The following DOCK7 variants were observed in gnomAD, a reference collection of about 807,000 sequenced individuals.
The protein encoded by DOCK7 is dedicator of cytokinesis 7, also known as dedicator of cytokinesis protein 7.
A neutral mutation model predicts 271.0 loss-of-function variants in DOCK7; 138 were observed. The ratio of observed to expected loss-of-function variants is 0.51; its 90% CI spans 0.44 to 0.59. The LOEUF (loss-of-function observed/expected upper bound fraction) is 0.59. DOCK7 is among the 20% of genes least tolerant of loss of function. The pLI is 0.00. For missense variants in DOCK7, 2,066 were observed against 2,592.4 expected (o/e 0.80, Z 4.41); for synonymous variants, 823 against 876.1 (o/e 0.94, Z 1.07).
intron 27 of DOCK7, 128 bp from the exon 28 acceptor site, chr1:62,538,189 T>A: frequency 1.1e-6 from 1 of 891,400 alleles, no homozygotes; most frequent in Non-Finnish European, 1.6e-6. Context: ...GTGGCTTAAG[T>A]AGCAGTATCA....
At chr1:62,507,187 T>C (rs1646966626) in intron 35 of DOCK7, among the ~76,000 whole-genome samples, 1 of 151,994 alleles carries the variant, frequency 6.6e-6, no homozygotes, top group African/African-American at 2.4e-5. Flanking sequence ...AGTTATGAAG[T>C]AGGTGGCCAT....
At position 62,475,849 on chromosome 1, in the gene DOCK7, C is replaced by T. The variant is rs779959516; in HGVS notation, c.5819G>A (p.Arg1940Gln). The change falls in exon 46 of 50, where the codon CGA becomes CAA. Residue 1940 changes from arginine to glutamine, a missense_variant. Transcript: ENST00000635253. The part of the protein sequence containing the change: ...TYFDKNYNLR[R>Q]FMYCTPFTLD... ...AGTAAAGGGTGTACAGTACATGAAT[C>T]GACGAAGATTGTAATTTTTGTCGAA... The T allele has an allele frequency of 5.6e-6, 9 of 1,613,894 alleles. No individual in the cohort carries two copies. The highest frequency in any genetic ancestry group is 2.2e-5 in the East Asian group (1 of 44,874).
At position 62,493,425 on chromosome 1, in the gene DOCK7, G is replaced by C. The variant is rs974398960; in HGVS notation, c.5218-578C>G. 3.9e-5 allele frequency among the ~76,000 whole-genome samples: 6 copies of C among 152,240 alleles called. No individual in the cohort carries two copies. The East Asian group carries it at 1.2e-3, about 29-fold the overall frequency. The stretch of plus-strand genomic sequence containing the variant: ...TAAGGCCTTTTCTTTGTGTGTATGG[G>C]TTTCCAGATCAGATTTCCACGGAAT... On this transcript the variant is annotated intron_variant, in intron 40 of 49. Coordinates refer to ENST00000635253, the MANE Select transcript of DOCK7 (RefSeq NM_001367561.1).
Position 62,559,195 on chromosome 1 carries a change from G to A in DOCK7, c.2225C>T (p.Ala742Val). The part of the protein sequence containing the change: ...TQDPYLDKFF[A>V]LVNALDEHLF... ...GTGTTCATCCAGAGCATTGACCAGA[G>A]CAAAAAATTTGTCAAGATAAGGATC... Residue 742 changes from alanine to valine, a missense_variant, in exon 20 of 50, where the codon GCT becomes GTT. Physicochemically the swap from Ala to Val is moderately conservative, Grantham distance 64 (BLOSUM62 0). This residue lies in a region of DOCK7 where 1,414 missense variants were observed against 1,670.4 expected (regional missense o/e 0.85). Transcript: ENST00000635253. The A allele has an allele frequency of 1.2e-6, 2 of 1,611,270 alleles. No homozygotes were observed. Among genetic ancestry groups the A allele is most frequent in the Non-Finnish European group, 8.5e-7 (1 of 1,178,368 alleles).
At chr1:62,459,713 TCACAAATCTATCTA>T (rs1267884876) in intron 48 of DOCK7, among the ~76,000 whole-genome samples, 1 of 152,050 alleles carries the variant, frequency 6.6e-6, no homozygotes, top group East Asian at 1.9e-4. Flanking sequence ...GAAACAACTG[TCACAAATCTATCTA>T]CAAAGAAAAC....
chr1:62,620,271 C>T (rs1388109648), intron 12 of DOCK7, among the ~76,000 whole-genome samples: 1 of 151,530 alleles, frequency 6.6e-6, no homozygotes, highest in Non-Finnish European at 1.5e-5. Context: ...GCCAAGATCA[C>T]ATCACTGCAC....
chr1:62,666,147 G>GTGCACTCCC (rs1659293444), intron 1 of DOCK7, among the ~76,000 whole-genome samples: 5 of 152,120 alleles, frequency 3.3e-5, no homozygotes, highest in Non-Finnish European at 5.9e-5. Context: ...CTGGGCGACA[G>GTGCACTCCC]AGTGAGACTC....
At chr1:62,556,528 A>AT (rs1248178987) in intron 20 of DOCK7, among the ~76,000 whole-genome samples, 1 of 151,946 alleles carries the variant, frequency 6.6e-6, no homozygotes, top group Non-Finnish European at 1.5e-5. Context: ...AAGGAAAAAA[A>AT]AAAAAAGAGG....
At chr1:62,470,241 G>T (rs1645793684) in intron 48 of DOCK7, among the ~76,000 whole-genome samples, 1 of 152,166 alleles carries the variant, frequency 6.6e-6, no homozygotes, top group African/African-American at 2.4e-5. Flanking sequence ...GCCATAAAAA[G>T]GAATGAGTAA....
At position 62,552,777 on chromosome 1, in the gene DOCK7, A is replaced by T; in HGVS notation, c.2721T>A (p.Thr907=). The T allele has an allele frequency of 6.2e-7, 1 of 1,613,820 alleles. No individual in the cohort carries two copies. Among genetic ancestry groups the T allele is most frequent in the Middle Eastern group, 1.7e-4 (1 of 6,060 alleles). ...LSNSNPDISG[T]PTSPDDEVRS... ...GAACTTCATCATCTGGTGACGTGGG[A>T]GTCCCAGATATATCTGGATTGCTAT... is the stretch of plus-strand genomic sequence containing the variant. Residue 907 remains threonine (T), a synonymous_variant, in exon 22 of 50, where the codon ACT becomes ACA. Coordinates refer to ENST00000635253, the MANE Select transcript of DOCK7 (RefSeq NM_001367561.1).
chr1:62,488,806 A>G lies in DOCK7; in HGVS notation c.5493+128T>C, dbSNP rs576845697. The G allele has an allele frequency of 2.2e-5, 26 of 1,202,900 alleles. No homozygotes were observed. In the East Asian group the frequency reaches 4.6e-4, roughly 21 times the overall value. The allele number at this position is 1,202,900 out of a possible 1,614,324, so 74.5% of individuals were successfully genotyped here. ...GCTTTGGCCATGAACTATCATTTTGACCGCTCATTTGTAGTCTGATTAAAA... is the reference window on the plus strand; with the variant it reads ...GCTTTGGCCATGAACTATCATTTTGGCCGCTCATTTGTAGTCTGATTAAAA... On this transcript the variant is annotated intron_variant, in intron 42 of 49. Transcript: ENST00000635253.
intron 10 of DOCK7, 89 bp from the exon 11 acceptor site, chr1:62,631,494 GA>G: frequency 8.4e-7 from 1 of 1,190,010 alleles, no homozygotes; most frequent in Non-Finnish European, 1.2e-6. Context: ...AAAAGGATGA[GA>G]AGTCTCAATT....
At position 62,535,599 on chromosome 1, in the gene DOCK7, T is replaced by G; in HGVS notation, c.3505A>C (p.Lys1169Gln). The G allele has an allele frequency of 6.2e-7, 1 of 1,613,980 alleles. No individual in the cohort carries two copies. Among genetic ancestry groups the G allele is most frequent in the Non-Finnish European group, 8.5e-7 (1 of 1,179,922 alleles). ...SGFSTNVQDQ[K>Q]IANMFELSVP... ...GATAATTCAAACATATTTGCAATCT[T>G]TTGGTCTTGTACATTCGTAGAAAAT... The change falls in exon 29 of 50, where the codon AAG becomes CAG. Residue 1169 changes from lysine to glutamine, a missense_variant. This residue lies in a region of DOCK7 where 1,414 missense variants were observed against 1,670.4 expected (regional missense o/e 0.85). Transcript: ENST00000635253.
chr1:62,548,064 C>G (rs979429251), intron 22 of DOCK7, among the ~76,000 whole-genome samples: 5 of 152,040 alleles, frequency 3.3e-5, no homozygotes, highest in Admixed American at 2.6e-4. Flanking sequence ...TACTGAGCAC[C>G]TTGAATAAGT....
intron 16 of DOCK7, among the ~76,000 whole-genome samples, chr1:62,579,328 T>C (rs1647039791): frequency 6.6e-6 from 1 of 152,132 alleles, no homozygotes; most frequent in South Asian, 2.1e-4. Flanking sequence ...AAACATTACA[T>C]AAAACATTTT....
chr1:62,676,480 T>A (rs1235189233), intron 1 of DOCK7, among the ~76,000 whole-genome samples: 3 of 152,194 alleles, frequency 2.0e-5, no homozygotes, highest in African/African-American at 7.2e-5. Context: ...TTACTAAAAA[T>A]CATTTAATTG....
intron 37 of DOCK7, among the ~76,000 whole-genome samples, chr1:62,503,843 C>T (rs1557636605): frequency 6.6e-6 from 1 of 151,970 alleles, no homozygotes; most frequent in Non-Finnish European, 1.5e-5. Context: ...GTCAGGAGAT[C>T]GAGACCATCC....
chr1:62,590,005 G>A (rs1165487912), intron 14 of DOCK7, among the ~76,000 whole-genome samples: 2 of 151,708 alleles, frequency 1.3e-5, no homozygotes, highest in Non-Finnish European at 2.9e-5. Context: ...AAAGAAGACC[G>A]AAAGGGCACC....
At chr1:62,539,482 T>C (rs113643747) in intron 27 of DOCK7, 63 bp downstream of exon 27, 49 of 1,372,226 alleles carry the variant, frequency 3.6e-5, no homozygotes, top group Non-Finnish European at 4.7e-5. Context: ...AGCTCTAACT[T>C]TGAAAAGAAC....
Sources: allele counts gnomAD v4.1 joint callset (sites outside exome capture counted in the v4.1 genomes callset), GRCh38; gene constraint gnomAD v4.1.1; regional missense constraint gnomAD v4.1.1; transcripts MANE v1.5; gene names NCBI Gene and HGNC (gene_info 2026-07-23, HGNC 2026-07-21).